PTPRD: variants seen among roughly 807,000 people sequenced by gnomAD.
The protein encoded by PTPRD is protein tyrosine phosphatase receptor type D, also known as receptor-type tyrosine-protein phosphatase delta.
PTPRD carries 34 observed loss-of-function variants against 214.5 expected under a neutral mutation model. That is an observed-to-expected ratio of 0.16 (90% CI 0.12 to 0.21). The LOEUF is 0.21. Among genes scored for constraint, PTPRD ranks in the 10% least tolerant of loss-of-function variants. The pLI, the probability that PTPRD is intolerant of heterozygous loss-of-function variation, is 1.00. For missense variants in PTPRD, 2,545 were observed against 2,398.7 expected (o/e 1.06, Z -1.27); for synonymous variants, 1,128 against 845.7 (o/e 1.33, Z -5.79).
At chr9:9,988,471 T>C (rs538734275) in intron 4 of PTPRD, among the ~76,000 whole-genome samples, 1 of 152,328 alleles carries the variant, frequency 6.6e-6, no homozygotes, top group African/African-American at 2.4e-5. Flanking sequence ...GATGTTATTA[T>C]CTATTAAATT....
chr9:10,104,394 T>C (rs1483523113), intron 3 of PTPRD, among the ~76,000 whole-genome samples: 1 of 151,696 alleles, frequency 6.6e-6, no homozygotes, highest in African/African-American at 2.4e-5. Context: ...AAAATATCTG[T>C]TGAACTTCCT....
intron 11 of PTPRD, among the ~76,000 whole-genome samples, chr9:8,780,528 C>T (rs756360592): frequency 2.6e-5 from 4 of 152,064 alleles, no homozygotes; most frequent in East Asian, 3.9e-4. Flanking sequence ...AAGGAGGTAC[C>T]GGAGAAGTCT....
In PTPRD at chr9:10,328,822, G is replaced by A. The variant is rs528531826; in HGVS notation, c.-545+12141C>T. Among the ~76,000 whole-genome samples, 15 of 151,796 alleles carry A rather than the reference G, an allele frequency of 9.9e-5. No individual in the cohort carries two copies. The South Asian group carries it at 3.1e-3, about 31-fold the overall frequency. On this transcript the variant is annotated intron_variant, in intron 3 of 45. Transcript: ENST00000381196. ...GAAAGTAATTCCTTTTGGTTTTATG[G>A]CATCTTGCTCACTTCCAACTCTGAT...
intron 37 of PTPRD, 126 bp from the exon 38 acceptor site, chr9:8,376,852 T>A: frequency 3.1e-6 from 4 of 1,293,490 alleles, no homozygotes; most frequent in Non-Finnish European, 4.3e-6. Context: ...TTTTCTGGCA[T>A]GCATTTTTGT....
chr9:9,484,779 C>G (rs914042708), intron 8 of PTPRD, among the ~76,000 whole-genome samples: 1 of 152,084 alleles, frequency 6.6e-6, no homozygotes, highest in Admixed American at 6.6e-5. Flanking sequence ...GTGTCTGGTT[C>G]TGGAGCCTAC....
chr9:9,106,753 A>G (rs574226181), intron 10 of PTPRD, among the ~76,000 whole-genome samples: 4 of 152,160 alleles, frequency 2.6e-5, no homozygotes, highest in South Asian at 2.1e-4. Context: ...AAAAATTTCA[A>G]TACATGATAG....
Position 8,770,906 on chromosome 9 carries a change from G to A in PTPRD, c.-103-36960C>T, listed in dbSNP as rs555694332. On this transcript the variant is annotated intron_variant, in intron 11 of 45. Transcript: ENST00000381196. Reference sequence around the variant, plus strand: ...TTTGATAACAGTCTTTATGCCAGGCGTGGTGGCTCACGCCTGTAATACCTG... The same window carrying A: ...TTTGATAACAGTCTTTATGCCAGGCATGGTGGCTCACGCCTGTAATACCTG... Among the ~76,000 whole-genome samples the A allele has an allele frequency of 1.2e-4, 19 of 152,250 alleles. No individual in the cohort carries two copies. In the South Asian group the frequency reaches 2.3e-3, roughly 18 times the overall value.
intron 7 of PTPRD, among the ~76,000 whole-genome samples, chr9:9,596,218 T>G (rs1022310398): frequency 6.6e-6 from 1 of 151,960 alleles, no homozygotes. Flanking sequence ...TTAAATAGGT[T>G]ATATTAAAGA....
intron 10 of PTPRD, among the ~76,000 whole-genome samples, chr9:9,135,540 C>T (rs755692983): frequency 1.3e-5 from 2 of 151,018 alleles, no homozygotes; most frequent in East Asian, 3.9e-4. Context: ...AAGAAAATGG[C>T]TTTCAATGCT....
intron 8 of PTPRD, among the ~76,000 whole-genome samples, chr9:9,547,387 C>T (rs867980262): frequency 6.6e-6 from 1 of 151,996 alleles, no homozygotes; most frequent in African/African-American, 2.4e-5. Flanking sequence ...ATTTAGGTTG[C>T]CATTCAAAAT....
Position 9,815,754 on chromosome 9 carries a change from G to T in PTPRD, c.-367-48903C>A, listed in dbSNP as rs2048548503. 5.3e-5 allele frequency among the ~76,000 whole-genome samples: 8 copies of T among 152,186 alleles called. No individual in the cohort carries two copies. The South Asian group carries it at 1.7e-3, about 32-fold the overall frequency. The stretch of plus-strand genomic sequence containing the variant: ...ATTTTAGCGGATGGAAGGAGGTAGG[G>T]GATGGGGCATGAGAGTATGTTGGTC... On this transcript the variant is annotated intron_variant, in intron 5 of 45. Coordinates refer to ENST00000381196, the MANE Select transcript of PTPRD (RefSeq NM_002839.4).
chr9:10,242,291 C>T (rs2091233199), intron 3 of PTPRD, among the ~76,000 whole-genome samples: 1 of 151,896 alleles, frequency 6.6e-6, no homozygotes, highest in Admixed American at 6.6e-5. Flanking sequence ...TGTTTTATTT[C>T]TTTAAGCTCC....
At chr9:8,847,551 G>C (rs567002833) in intron 11 of PTPRD, among the ~76,000 whole-genome samples, 1 of 152,104 alleles carries the variant, frequency 6.6e-6, no homozygotes, top group Non-Finnish European at 1.5e-5. Context: ...AAAAGACCGA[G>C]TAATTTTCCA....
At chr9:10,130,512 G>A (rs1036789363) in intron 3 of PTPRD, among the ~76,000 whole-genome samples, 9 of 152,148 alleles carry the variant, frequency 5.9e-5, no homozygotes, top group African/African-American at 2.2e-4. Flanking sequence ...AAATATCAAT[G>A]TCTACCTCAT....
chr9:9,763,990 T>C lies in PTPRD; in HGVS notation c.-326+2820A>G, dbSNP rs143164813. 9.2e-5 allele frequency among the ~76,000 whole-genome samples: 14 copies of C among 152,254 alleles called. No individual in the cohort carries two copies. In the East Asian group the frequency reaches 1.9e-3, roughly 21 times the overall value. ...GTGTCAACCCCTCCAAGAAGCCAGA[T>C]TGATTAAAATTTATTTTATATTTGC... On this transcript the variant is annotated intron_variant, in intron 6 of 45. Transcript: ENST00000381196.
chr9:9,612,347 C>T (rs905697023), intron 7 of PTPRD, among the ~76,000 whole-genome samples: 5 of 152,082 alleles, frequency 3.3e-5, no homozygotes, highest in East Asian at 1.9e-4. Flanking sequence ...TGCCACCCCA[C>T]GACACAAATC....
At chr9:8,394,467 A>G (rs1449376820) in intron 36 of PTPRD, among the ~76,000 whole-genome samples, 1 of 152,176 alleles carries the variant, frequency 6.6e-6, no homozygotes, top group Non-Finnish European at 1.5e-5. Flanking sequence ...AATAGCAAGC[A>G]CTTGCTAAGA....
intron 3 of PTPRD, among the ~76,000 whole-genome samples, chr9:10,075,482 TTTA>T (rs983456889): frequency 6.6e-6 from 1 of 152,008 alleles, no homozygotes; most frequent in East Asian, 1.9e-4. Flanking sequence ...ATTTATATAC[TTTA>T]TTATTTTATG....
intron 14 of PTPRD, among the ~76,000 whole-genome samples, chr9:8,625,750 G>C (rs996433198): frequency 2.0e-5 from 3 of 150,076 alleles, no homozygotes; most frequent in Non-Finnish European, 3.0e-5. Context: ...AAAGTTCTAA[G>C]AAACAAAAAA....
Sources: gnomAD v4.1 joint callset for allele counts (sites outside exome capture counted in the v4.1 genomes callset) on GRCh38, gnomAD v4.1.1 for gene constraint, MANE v1.5 for transcripts, NCBI Gene and HGNC (gene_info 2026-07-23, HGNC 2026-07-21) for gene names.